NSMAF: variants seen among roughly 807,000 people sequenced by gnomAD.
NSMAF encodes the protein protein FAN.
NSMAF carries 90 observed loss-of-function variants against 134.9 expected under a neutral mutation model. The observed-to-expected ratio is 0.67, with a 90% CI of 0.56 to 0.79. The LOEUF (loss-of-function observed/expected upper bound fraction) is 0.79. NSMAF is among the 30% of genes least tolerant of loss of function. NSMAF has a pLI of 0.00. For missense variants in NSMAF, 1,010 were observed against 1,119.0 expected (o/e 0.90, Z 1.39); for synonymous variants, 358 against 389.6 (o/e 0.92, Z 0.96).
chr8:58,589,321 G>T, intron 26 of NSMAF, 131 bp downstream of exon 26: 1 of 527,374 alleles, frequency 1.9e-6, no homozygotes, highest in Non-Finnish European at 2.9e-6. Context: ...GAAAAAGAGT[G>T]GAGTGACTGA....
rs891315791 is a variant in NSMAF at position 58,590,195 on chromosome 8, C to G, written c.2020-121G>C. Reference sequence around the variant, plus strand: ...CAAATCGTCTTTATGTGGCTCTCCTCCTATTTACGCAGATTTTCTCAACTG... The same window carrying G: ...CAAATCGTCTTTATGTGGCTCTCCTGCTATTTACGCAGATTTTCTCAACTG... On this transcript the variant is annotated intron_variant, in intron 24 of 30. Transcript: ENST00000038176. The G allele has an allele frequency of 1.3e-5, 10 of 787,436 alleles. No individual in the cohort carries two copies. The African/African-American group carries it at 1.6e-4, about 12-fold the overall frequency. 48.8% of individuals were successfully genotyped at this position (787,436 alleles called of 1,614,324 possible).
intron 9 of NSMAF, among the ~76,000 whole-genome samples, chr8:58,610,784 A>C (rs142178137): frequency 6.6e-6 from 1 of 152,280 alleles, no homozygotes; most frequent in Non-Finnish European, 1.5e-5. Context: ...AAACAAGGGA[A>C]ATCTCCCACA....
At position 58,652,324 on chromosome 8, in the gene NSMAF, G is replaced by C. The variant is rs117167909; in HGVS notation, c.59+7249C>G. On this transcript the variant is annotated intron_variant, in intron 1 of 30. Coordinates refer to ENST00000038176, the MANE Select transcript of NSMAF (RefSeq NM_003580.4). ...AGGTGGCCTCCTGCAAAGTTTCAGGGAAAACTGCTATGATTGTGTTTAAGG... is the reference window on the plus strand; with the variant it reads ...AGGTGGCCTCCTGCAAAGTTTCAGGCAAAACTGCTATGATTGTGTTTAAGG... 6.0e-3 allele frequency among the ~76,000 whole-genome samples: 913 copies of C among 152,284 alleles called. 4 individuals are homozygous for C. The highest frequency in any genetic ancestry group is 0.011 in the Non-Finnish European group (724 of 68,008).
chr8:58,640,448 T>A (rs1171103126), intron 2 of NSMAF, among the ~76,000 whole-genome samples: 1 of 152,186 alleles, frequency 6.6e-6, no homozygotes, highest in Non-Finnish European at 1.5e-5. Flanking sequence ...TTGGCCATAC[T>A]TATTAAATTG....
At chr8:58,618,385 ATTT>A (rs1278420300) in intron 9 of NSMAF, among the ~76,000 whole-genome samples, 1 of 151,864 alleles carries the variant, frequency 6.6e-6, no homozygotes, top group Non-Finnish European at 1.5e-5. Context: ...ATGATTTTAT[ATTT>A]TATTATGATT....
intron 26 of NSMAF, 42 bp from the exon 27 acceptor site, chr8:58,587,743 AC>A (rs774460469): frequency 3.2e-6 from 5 of 1,561,912 alleles, no homozygotes; most frequent in African/African-American, 1.4e-5. Flanking sequence ...CAAACATTTA[AC>A]AAAAAGTCAT....
chr8:58,609,425 G>A (rs577807960), intron 10 of NSMAF, among the ~76,000 whole-genome samples, 179 bp downstream of exon 10: 9 of 152,030 alleles, frequency 5.9e-5, no homozygotes, highest in African/African-American at 1.2e-4. Context: ...AAACTTCAGA[G>A]ACTACACATC....
intron 6 of NSMAF, 37 bp from the exon 7 acceptor site, chr8:58,623,817 GAAGAA>G: frequency 6.5e-7 from 1 of 1,527,034 alleles, no homozygotes; most frequent in Non-Finnish European, 9.1e-7. Context: ...TACAGGAAGA[GAAGAA>G]GTGTGCCAAA....
intron 6 of NSMAF, among the ~76,000 whole-genome samples, chr8:58,629,511 C>G (rs975289292): frequency 6.6e-6 from 1 of 152,128 alleles, no homozygotes; most frequent in Admixed American, 6.6e-5. Flanking sequence ...ATTAATATAG[C>G]CCCTTTTCTT....
At position 58,601,434 on chromosome 8, in the gene NSMAF, A is replaced by C. The variant is rs189161828; in HGVS notation, c.1216+11T>G. ...TAAAATTTAATTGGGGGTAATGATAAAGAATCTTACCAATCCTAACAAGAT... is the reference window on the plus strand; with the variant it reads ...TAAAATTTAATTGGGGGTAATGATACAGAATCTTACCAATCCTAACAAGAT... On this transcript the variant is annotated intron_variant, in intron 15 of 30. Coordinates refer to ENST00000038176, the MANE Select transcript of NSMAF (RefSeq NM_003580.4). 6 of 1,612,792 alleles carry C rather than the reference A, an allele frequency of 3.7e-6. No homozygotes were observed. In the East Asian group the frequency reaches 6.7e-5, roughly 18 times the overall value.
chr8:58,611,754 T>C (rs957073215), intron 9 of NSMAF, among the ~76,000 whole-genome samples: 2 of 151,424 alleles, frequency 1.3e-5, no homozygotes, highest in African/African-American at 4.9e-5. Context: ...GAAAAAAGAA[T>C]GAAAAAAATA....
Position 58,633,189 on chromosome 8 carries a change from C to T in NSMAF, c.334-1643G>A, listed in dbSNP as rs114103907. On this transcript the variant is annotated intron_variant, in intron 5 of 30. Transcript: ENST00000038176. ...GTCCTTACCTTGGCCCACAAGGCCC[C>T]GCATGACACGGTCCCTGCCCCTATT... Among the ~76,000 whole-genome samples the T allele has an allele frequency of 7.9e-3, 1,206 of 152,340 alleles. 19 individuals are homozygous for T. The highest frequency in any genetic ancestry group is 0.027 in the African/African-American group (1,126 of 41,572).
rs1198112977 is a variant in NSMAF at position 58,599,733 on chromosome 8, T to TCCAAGGGGGGACTCACTGGAAGC, written c.1447_1453+16dup. The TCCAAGGGGGGACTCACTGGAAGC allele has an allele frequency of 4.3e-6, 7 of 1,612,112 alleles. No individual in the cohort carries two copies. The Admixed American group carries it at 1.2e-4, about 27-fold the overall frequency. On this transcript the variant is annotated intron_variant, in intron 18 of 30. Transcript: ENST00000038176. The stretch of plus-strand genomic sequence containing the variant: ...TAAAGCATGTCTATAATACAACACC[T>TCCAAGGGGGGACTCACTGGAAGC]CCAAGGGGGGACTCACTGGAAGCCC...
chr8:58,623,793 G>C lies in NSMAF; in HGVS notation c.385-13C>G, dbSNP rs183076341. The C allele has an allele frequency of 1.9e-6, 3 of 1,604,466 alleles. No homozygotes were observed. The highest frequency in any genetic ancestry group is 2.6e-6 in the Non-Finnish European group (3 of 1,171,606). Reference sequence around the variant, plus strand: ...ATTCCATTTTGCCCTAACAAAAAGGGGAAGATATCAAAATACAGGAAGAGA... The same window carrying C: ...ATTCCATTTTGCCCTAACAAAAAGGCGAAGATATCAAAATACAGGAAGAGA... On this transcript the variant is annotated splice_polypyrimidine_tract_variant and intron_variant, in intron 6 of 30. Transcript: ENST00000038176.
rs1424114772 is a variant in NSMAF at position 58,588,300 on chromosome 8, C to T, written c.2212-599G>A. 7 of 675,088 alleles carry T rather than the reference C, an allele frequency of 1.0e-5. No individual in the cohort carries two copies. In the African/African-American group the frequency reaches 1.1e-4, roughly 11 times the overall value. The allele number at this position is 675,088 out of a possible 1,614,324, so 41.8% of individuals were successfully genotyped here. On this transcript the variant is annotated intron_variant, in intron 26 of 30. Coordinates refer to ENST00000038176, the MANE Select transcript of NSMAF (RefSeq NM_003580.4). ...TATTTTCAGTTTAAATAAAATGTGT[C>T]TTTTAATGATTCCTCACTTTAACTT...
At chr8:58,629,789 A>T (rs1261395787) in intron 6 of NSMAF, among the ~76,000 whole-genome samples, 1 of 152,232 alleles carries the variant, frequency 6.6e-6, no homozygotes, top group Non-Finnish European at 1.5e-5. Context: ...ATTCCTAATT[A>T]GAGAAATTTA....
chr8:58,643,801 G>A (rs1462874164), intron 1 of NSMAF, among the ~76,000 whole-genome samples: 2 of 152,088 alleles, frequency 1.3e-5, no homozygotes, highest in East Asian at 3.9e-4. Flanking sequence ...AAAGTGCTGG[G>A]ATTACAAGCA....
chr8:58,620,342 A>T (rs1219783876), intron 9 of NSMAF, among the ~76,000 whole-genome samples: 1 of 152,164 alleles, frequency 6.6e-6, no homozygotes, highest in African/African-American at 2.4e-5. Context: ...GGTAAGAGAC[A>T]ATGTGGCACA....
chr8:58,643,554 C>T (rs1426257571), intron 1 of NSMAF, among the ~76,000 whole-genome samples: 7 of 147,058 alleles, frequency 4.8e-5, no homozygotes, highest in Admixed American at 2.7e-4. Flanking sequence ...TTTTTTGGGA[C>T]GGAGTTTCAC....
Sources: allele counts gnomAD v4.1 joint callset (sites outside exome capture counted in the v4.1 genomes callset), GRCh38; gene constraint gnomAD v4.1.1; transcripts MANE v1.5; gene names NCBI Gene and HGNC (gene_info 2026-07-23, HGNC 2026-07-21).